Variants in ADAM2 observed in about 807,000 individuals in gnomAD.
ADAM2 encodes the protein disintegrin and metalloproteinase domain-containing protein 2.
In ADAM2, 101 loss-of-function variants were observed where a neutral mutation model predicts 99.3. The ratio of observed to expected loss-of-function variants is 1.02; its 90% confidence interval spans 0.87 to 1.20. The LOEUF (loss-of-function observed/expected upper bound fraction) is 1.20, where lower values mean the gene tolerates loss of function less well. Ranked by LOEUF, ADAM2 falls within the 50% of genes most tolerant of loss-of-function variation. The pLI is 0.00. For missense variants in ADAM2, 948 were observed against 878.7 expected (o/e 1.08, Z -1.00); for synonymous variants, 323 against 287.6 (o/e 1.12, Z -1.25).
Position 39,788,089 on chromosome 8 carries a change from G to A in ADAM2, c.805C>T (p.Leu269Phe), listed in dbSNP as rs1178003552. ...VLRPHDVAFL[L>F]VYREKSNYVG... ...ATAATGTCAAGATATCCTTACACAA[G>A]TAAAAATGCCACATCATGAGGACGT... The change falls in exon 9 of 21, where the codon CTT (leucine) becomes TTT (phenylalanine). Residue 269 changes from leucine to phenylalanine, a missense_variant. Coordinates refer to ENST00000265708, the MANE Select transcript of ADAM2 (RefSeq NM_001464.5). 14 of 1,520,826 alleles carry A rather than the reference G, an allele frequency of 9.2e-6. No individual in the cohort carries two copies. The highest frequency in any genetic ancestry group is 1.1e-5 in the Non-Finnish European group (13 of 1,137,308). The allele number at this position is 1,520,826 out of a possible 1,614,324, so 94.2% of individuals were successfully genotyped here. A position where few individuals can be genotyped will look rare whatever the true frequency, so the allele number is the denominator to read the frequency against.
At chr8:39,759,407 C>G (rs1802269145) in intron 15 of ADAM2, among the ~76,000 whole-genome samples, 1 of 151,888 alleles carries the variant, frequency 6.6e-6, no homozygotes, top group African/African-American at 2.4e-5. Flanking sequence ...TTAAAGAACT[C>G]TAAAAATACA....
chr8:39,754,978 G>A (rs4733922), intron 16 of ADAM2, among the ~76,000 whole-genome samples: 1,716 of 152,140 alleles, frequency 0.011, 115 homozygotes, highest in Admixed American at 0.084. Context: ...TTGATGGAAG[G>A]TTCATAAAAA....
At chr8:39,801,642 A>G (rs1478366957) in intron 7 of ADAM2, among the ~76,000 whole-genome samples, 1 of 152,062 alleles carries the variant, frequency 6.6e-6, no homozygotes, top group Non-Finnish European at 1.5e-5. Flanking sequence ...TGGTCCACAG[A>G]GACTGGGGCC....
intron 15 of ADAM2, among the ~76,000 whole-genome samples, chr8:39,759,610 A>G (rs1056872518): frequency 6.6e-6 from 1 of 152,222 alleles, no homozygotes; most frequent in Admixed American, 6.5e-5. Context: ...ACAGTTTTCA[A>G]CTTACACTCA....
rs1364004791 is a variant in ADAM2 at position 39,786,989 on chromosome 8, T to C, written c.876A>G (p.Ala292=). The C allele has an allele frequency of 6.3e-7, 1 of 1,591,962 alleles. No homozygotes were observed. The highest frequency in any genetic ancestry group is 1.7e-5 in the Admixed American group (1 of 57,320). The change falls in exon 10 of 21, where the codon GCA becomes GCG. Residue 292 remains alanine (A), a synonymous_variant. Coordinates refer to ENST00000265708, the MANE Select transcript of ADAM2 (RefSeq NM_001464.5). Reference sequence around the variant, plus strand: ...CATACCATACCAGAACAACACCTCCTGCATAGTTTGCATCACACATCTTCC... The same window carrying C: ...CATACCATACCAGAACAACACCTCCCGCATAGTTTGCATCACACATCTTCC... ...FQGKMCDANY[A]GGVVLHPRTI...
chr8:39,830,479 C>T (rs2129589121), intron 3 of ADAM2, among the ~76,000 whole-genome samples: 1 of 152,174 alleles, frequency 6.6e-6, no homozygotes, highest in Admixed American at 6.5e-5. Context: ...TACTGTCTCC[C>T]CTTTGCCAAA....
chr8:39,769,343 G>A (rs781515186), intron 12 of ADAM2, 49 bp downstream of exon 12: 1 of 1,430,924 alleles, frequency 7.0e-7, no homozygotes, highest in Non-Finnish European at 9.6e-7. Context: ...GAATTAATAA[G>A]TAATTTTTGC....
chr8:39,817,155 G>C (rs1054748539), intron 6 of ADAM2, among the ~76,000 whole-genome samples: 8 of 151,910 alleles, frequency 5.3e-5, no homozygotes, highest in Admixed American at 5.2e-4. Context: ...AGATATAAAA[G>C]AAGAAAGAAT....
intron 10 of ADAM2, among the ~76,000 whole-genome samples, chr8:39,779,336 G>C (rs1803127599): frequency 6.6e-6 from 1 of 152,034 alleles, no homozygotes; most frequent in Non-Finnish European, 1.5e-5. Context: ...TATCTCTGCT[G>C]TCTCTTCCTC....
intron 7 of ADAM2, among the ~76,000 whole-genome samples, chr8:39,792,437 A>T (rs1272171333): frequency 1.3e-5 from 2 of 152,032 alleles, no homozygotes; most frequent in Non-Finnish European, 2.9e-5. Context: ...CTTCACTAAA[A>T]TATTATTTAC....
At chr8:39,773,473 A>G (rs1802863099) in intron 11 of ADAM2, among the ~76,000 whole-genome samples, 1 of 151,822 alleles carries the variant, frequency 6.6e-6, no homozygotes, top group African/African-American at 2.4e-5. Context: ...TAATTAAAAT[A>G]TGATTCTTTA....
chr8:39,806,460 T>TA lies in ADAM2; in HGVS notation c.570+2949dup, dbSNP rs201106342. ...GTTTTCAACAAAGTATGACACATAA[T>TA]AAAAAAAAAGTTATATATAATATAT... is the stretch of plus-strand genomic sequence containing the variant. On this transcript the variant is annotated intron_variant, in intron 7 of 20. Coordinates refer to ENST00000265708, the MANE Select transcript of ADAM2 (RefSeq NM_001464.5). Among the ~76,000 whole-genome samples, 428 of 147,538 alleles carry TA rather than the reference T, an allele frequency of 2.9e-3. 3 individuals carry two copies. Among genetic ancestry groups the TA allele is most frequent in the African/African-American group, 9.9e-3 (404 of 40,606 alleles).
At chr8:39,757,737 A>G (rs1167730405) in intron 15 of ADAM2, among the ~76,000 whole-genome samples, 1 of 152,212 alleles carries the variant, frequency 6.6e-6, no homozygotes, top group East Asian at 1.9e-4. Flanking sequence ...TCCATTACAA[A>G]ATTCTAGCCT....
At chr8:39,753,812 A>AACACAC (rs34323295) in intron 16 of ADAM2, among the ~76,000 whole-genome samples, 1 of 150,550 alleles carries the variant, frequency 6.6e-6, no homozygotes, top group Non-Finnish European at 1.5e-5. Flanking sequence ...AAAACAACAA[A>AACACAC]ACACACACAC....
At chr8:39,775,512 G>T (rs142872128) in intron 11 of ADAM2, among the ~76,000 whole-genome samples, 11 of 152,182 alleles carry the variant, frequency 7.2e-5, no homozygotes, top group African/African-American at 2.6e-4. Context: ...TTACAAATAT[G>T]TGCATGGGGC....
At chr8:39,754,607 A>G (rs1316574621) in intron 16 of ADAM2, among the ~76,000 whole-genome samples, 2 of 152,230 alleles carry the variant, frequency 1.3e-5, no homozygotes, top group Non-Finnish European at 2.9e-5. Flanking sequence ...TTGTGTGAGA[A>G]TTTGAATGAC....
chr8:39,769,257 A>C (rs1802684081), intron 12 of ADAM2, 135 bp downstream of exon 12: 4 of 635,652 alleles, frequency 6.3e-6, no homozygotes, highest in Non-Finnish European at 1.1e-5. Flanking sequence ...TAGTTGTTAT[A>C]ATACCTACAT....
intron 11 of ADAM2, 43 bp from the exon 12 acceptor site, chr8:39,769,618 A>G (rs1802700768): frequency 1.5e-6 from 2 of 1,364,386 alleles, no homozygotes; most frequent in Non-Finnish European, 2.1e-6. Flanking sequence ...AAGGGTTTCC[A>G]TAAACTACCT....
chr8:39,768,454 C>T (rs1288668634), intron 12 of ADAM2, among the ~76,000 whole-genome samples: 1 of 152,072 alleles, frequency 6.6e-6, no homozygotes, highest in African/African-American at 2.4e-5. Context: ...TATCTCTGCT[C>T]TCCTCACCTC....
Sources: allele counts gnomAD v4.1 joint callset (sites outside exome capture counted in the v4.1 genomes callset), GRCh38; gene constraint gnomAD v4.1.1; transcripts MANE v1.5; gene names NCBI Gene and HGNC (gene_info 2026-07-23, HGNC 2026-07-21).